STK32B: variants seen among roughly 807,000 people sequenced by gnomAD.
The protein encoded by STK32B is serine/threonine-protein kinase 32B.
A neutral mutation model predicts 52.6 loss-of-function variants in STK32B; 43 were observed. The observed-to-expected ratio is 0.82, with a 90% CI of 0.64 to 1.05. STK32B has a LOEUF of 1.05. Among genes scored for constraint, STK32B ranks in the 50% least tolerant of loss-of-function variants. STK32B has a pLI of 0.00. For synonymous variants in STK32B, 238 were observed against 204.3 expected, an observed-to-expected ratio of 1.17 and a Z score of -1.41; for missense variants, 621 against 534.6, an observed-to-expected ratio of 1.16 and a Z score of -1.59.
intron 11 of STK32B, among the ~76,000 whole-genome samples, chr4:5,488,081 C>G (rs546451717): frequency 2.0e-5 from 3 of 151,996 alleles, no homozygotes; most frequent in Non-Finnish European, 4.4e-5. Flanking sequence ...ACCTGATAAC[C>G]CTATTCTTAT....
intron 5 of STK32B, among the ~76,000 whole-genome samples, chr4:5,413,371 C>T (rs195109): frequency 6.6e-6 from 1 of 151,922 alleles, no homozygotes; most frequent in Non-Finnish European, 1.5e-5. Context: ...TTCAGGCAGG[C>T]TTTGATCAGG....
intron 2 of STK32B, among the ~76,000 whole-genome samples, chr4:5,153,699 A>C (rs1041191031): frequency 6.6e-6 from 1 of 152,216 alleles, no homozygotes; most frequent in Non-Finnish European, 1.5e-5. Flanking sequence ...AGCTATTACA[A>C]TAAGAAAATA....
At chr4:5,493,270 C>G (rs537507347) in intron 11 of STK32B, among the ~76,000 whole-genome samples, 145 of 152,272 alleles carry the variant, frequency 9.5e-4, no homozygotes, top group African/African-American at 3.3e-3. Context: ...TGTTATTGGT[C>G]TATTCAGAGA....
chr4:5,486,591 C>T (rs1719230736), intron 11 of STK32B, among the ~76,000 whole-genome samples: 1 of 152,188 alleles, frequency 6.6e-6, no homozygotes, highest in African/African-American at 2.4e-5. Flanking sequence ...ACCCACTGTC[C>T]TGCACCCACT....
intron 6 of STK32B, among the ~76,000 whole-genome samples, chr4:5,430,160 C>A (rs775979844): frequency 1.5e-4 from 23 of 152,172 alleles, no homozygotes; most frequent in Non-Finnish European, 1.8e-4. Context: ...ATTATCTCTG[C>A]AAATATATAT....
At chr4:5,456,738 A>G (rs545019059) in intron 7 of STK32B, 69 bp from the exon 8 acceptor site, 91 of 1,330,498 alleles carry the variant, frequency 6.8e-5, no homozygotes, top group South Asian at 2.3e-4. Flanking sequence ...TAATCATACA[A>G]TCTTAAAATG....
At chr4:5,054,349 T>TG (rs1300692020) in intron 1 of STK32B, among the ~76,000 whole-genome samples, 6 of 150,622 alleles carry the variant, frequency 4.0e-5, no homozygotes, top group Non-Finnish European at 8.9e-5. Context: ...TAACTCAGAG[T>TG]GGGGGGAGGG....
At chr4:5,217,497 T>C (rs16836891) in intron 3 of STK32B, among the ~76,000 whole-genome samples, 2,372 of 152,242 alleles carry the variant, frequency 0.016, 42 homozygotes, top group African/African-American at 0.054. Context: ...TTGGAGAACA[T>C]TGAGATTTGG....
chr4:5,275,378 T>A (rs1276759960), intron 3 of STK32B, among the ~76,000 whole-genome samples: 1 of 152,252 alleles, frequency 6.6e-6, no homozygotes, highest in Admixed American at 6.5e-5. Context: ...GAATCTGCTT[T>A]GTTCATTTTA....
At chr4:5,151,829 G>A (rs755574708) in intron 2 of STK32B, among the ~76,000 whole-genome samples, 1 of 152,082 alleles carries the variant, frequency 6.6e-6, no homozygotes, top group Non-Finnish European at 1.5e-5. Flanking sequence ...TACACTGGAG[G>A]GGCTACTGTT....
intron 3 of STK32B, among the ~76,000 whole-genome samples, chr4:5,279,868 C>T (rs1381816398): frequency 6.6e-6 from 1 of 152,192 alleles, no homozygotes; most frequent in Non-Finnish European, 1.5e-5. Context: ...ACAGCTGGAA[C>T]TGGAGTGCCC....
rs1742088844 is a variant in STK32B at position 5,058,409 on chromosome 4, A to G, written c.52+6494A>G. On this transcript the variant is annotated intron_variant, in intron 1 of 11. Transcript: ENST00000282908. The surrounding 1 kb of genome is among the most constrained non-coding windows in gnomAD (Gnocchi z 4.8). Reference sequence around the variant, plus strand: ...AGTGAGTGTCACTTTATATCACTCCATCTTGGAGCAACCACAGTGATCTAC... The same window carrying G: ...AGTGAGTGTCACTTTATATCACTCCGTCTTGGAGCAACCACAGTGATCTAC... 6.6e-6 allele frequency among the ~76,000 whole-genome samples: 1 copy of G among 152,172 alleles called. No individual in the cohort carries two copies. The highest frequency in any genetic ancestry group is 2.1e-4 in the South Asian group (1 of 4,828).
At chr4:5,383,035 C>G (rs567401959) in intron 4 of STK32B, among the ~76,000 whole-genome samples, 143 of 152,256 alleles carry the variant, frequency 9.4e-4, no homozygotes, top group African/African-American at 3.3e-3. Context: ...ATTAATTCAC[C>G]GGAAAGGTCT....
chr4:5,205,410 A>G (rs1722487174), intron 3 of STK32B, among the ~76,000 whole-genome samples: 1 of 152,138 alleles, frequency 6.6e-6, no homozygotes, highest in African/African-American at 2.4e-5. Flanking sequence ...AAGGACCCTA[A>G]CTAATACACC....
chr4:5,118,662 C>T (rs895984543), intron 1 of STK32B, among the ~76,000 whole-genome samples: 2 of 152,200 alleles, frequency 1.3e-5, no homozygotes, highest in Admixed American at 1.3e-4. Flanking sequence ...AGAGAGTTGC[C>T]ACTCACAGTT....
intron 3 of STK32B, among the ~76,000 whole-genome samples, chr4:5,215,167 T>C (rs938816461): frequency 6.6e-6 from 1 of 152,202 alleles, no homozygotes; most frequent in Non-Finnish European, 1.5e-5. Context: ...TAGAATCCTT[T>C]CCCTTCTGCA....
Position 5,466,923 on chromosome 4 carries a change from A to G in STK32B, c.1041+89A>G, listed in dbSNP as rs756012686. Reference sequence around the variant, plus strand: ...CAGGCCACTGTTTAGCAAAAAGGGGACATTTCAATCCTCCCTTCCAATTTC... The same window carrying G: ...CAGGCCACTGTTTAGCAAAAAGGGGGCATTTCAATCCTCCCTTCCAATTTC... On this transcript the variant is annotated intron_variant, in intron 10 of 11. Transcript: ENST00000282908. The G allele has an allele frequency of 4.1e-6, 6 of 1,472,422 alleles. No individual in the cohort carries two copies. In the Admixed American group the frequency reaches 1.2e-4, roughly 29 times the overall value. The allele number at this position is 1,472,422 out of a possible 1,614,324, so 91.2% of individuals were successfully genotyped here. A position where few individuals can be genotyped will look rare whatever the true frequency, so the allele number is the denominator to read the frequency against.
intron 1 of STK32B, among the ~76,000 whole-genome samples, chr4:5,077,736 A>C (rs753299131): frequency 3.9e-5 from 6 of 152,126 alleles, no homozygotes; most frequent in Non-Finnish European, 7.4e-5. Flanking sequence ...GAAGGCAGGA[A>C]ATCAGGTTTC....
chr4:5,352,632 C>A lies in STK32B; in HGVS notation c.434+21239C>A, dbSNP rs369484743. Among the ~76,000 whole-genome samples, 91 of 134,730 alleles carry A rather than the reference C, an allele frequency of 6.8e-4. 1 individual carries two copies. Among genetic ancestry groups the A allele is most frequent in the African/African-American group, 1.9e-3 (73 of 38,178 alleles). The allele number at this position is 134,730 out of a possible 152,430, so 88.4% of individuals were successfully genotyped here. A position where few individuals can be genotyped will look rare whatever the true frequency, so the allele number is the denominator to read the frequency against. On this transcript the variant is annotated intron_variant, in intron 4 of 11. Transcript: ENST00000282908. ...GAGAAAGAAATAAAAAAAAAAAAAACGTCCAAACTAAAAAAGAAGTCATTT... is the reference window on the plus strand; with the variant it reads ...GAGAAAGAAATAAAAAAAAAAAAAAAGTCCAAACTAAAAAAGAAGTCATTT...
Sources: allele counts gnomAD v4.1 joint callset (sites outside exome capture counted in the v4.1 genomes callset), GRCh38; gene constraint gnomAD v4.1.1; non-coding constraint Gnocchi (gnomAD v3.1); transcripts MANE v1.5; gene names NCBI Gene and HGNC (gene_info 2026-07-23, HGNC 2026-07-21).